Variants in CCDC102A observed in about 807,000 individuals in gnomAD.
The protein encoded by CCDC102A is coiled-coil domain containing 102A.
CCDC102A carries 40 observed loss-of-function variants against 55.5 expected under a neutral mutation model. The observed-to-expected ratio is 0.72, with a 90% CI of 0.56 to 0.94. CCDC102A has a LOEUF of 0.94. Ranked by LOEUF, CCDC102A falls within the 40% of genes least tolerant of loss-of-function variation. The pLI is 0.00. For synonymous variants in CCDC102A, 323 were observed against 339.0 expected (o/e 0.95, Z 0.52); for missense variants, 779 against 768.6 (o/e 1.01, Z -0.16).
chr16:57,528,900 G>A lies in CCDC102A; in HGVS notation c.278C>T (p.Thr93Ile), dbSNP rs1403206018. Reference sequence around the variant, plus strand: ...AGTGCAGTCCGACCACCGGCGCATGGTCTTCTCCATCTGCGCCGCCCGCGC... The same window carrying A: ...AGTGCAGTCCGACCACCGGCGCATGATCTTCTCCATCTGCGCCGCCCGCGC... ...ARARAAQMEK[T>I]MRRWSDCTAN... Residue 93 changes from threonine (T) to isoleucine (I), a missense_variant, in exon 2 of 9, where the codon ACC becomes ATC. Thr to Ile is a moderately conservative substitution (Grantham distance 89). Coordinates refer to ENST00000258214, the MANE Select transcript of CCDC102A (RefSeq NM_033212.4). 1.4e-6 allele frequency: 2 copies of A among 1,407,290 alleles called. No homozygotes were observed. Among genetic ancestry groups the A allele is most frequent in the Non-Finnish European group, 1.9e-6 (2 of 1,073,950 alleles). 87.2% of individuals were successfully genotyped at this position (1,407,290 alleles called of 1,614,324 possible). A position where few individuals can be genotyped will look rare whatever the true frequency, so the allele number is the denominator to read the frequency against.
Position 57,529,084 on chromosome 16 carries a change from T to A in CCDC102A, c.94A>T (p.Met32Leu). The A allele has an allele frequency of 1.7e-6, 2 of 1,168,458 alleles. No individual in the cohort carries two copies. Among genetic ancestry groups the A allele is most frequent in the Middle Eastern group, 3.4e-4 (1 of 2,916 alleles). 72.4% of individuals were successfully genotyped at this position (1,168,458 alleles called of 1,614,324 possible). The part of the protein sequence containing the change: ...TILGSPSPER[M>L]GPADSLPPTP... ...GGCGGCAAGGAGTCGGCAGGCCCCA[T>A]GCGCTCCGGCGACGGGCTGCCCAGG... The change falls in exon 2 of 9, where the codon ATG becomes TTG. Residue 32 changes from methionine to leucine, a missense_variant. Met to Leu is a conservative substitution (Grantham distance 15). Coordinates refer to ENST00000258214, the MANE Select transcript of CCDC102A (RefSeq NM_033212.4). The surrounding 1 kb of genome is among the most constrained non-coding windows in gnomAD (Gnocchi z 4.1).
rs1360194140 is a variant in CCDC102A at position 57,529,216 on chromosome 16, G to T, written c.-39C>A. The T allele has an allele frequency of 1.7e-6, 2 of 1,152,982 alleles. No individual in the cohort carries two copies. Among genetic ancestry groups the T allele is most frequent in the Non-Finnish European group, 2.1e-6 (2 of 936,358 alleles). 71.4% of individuals were successfully genotyped at this position (1,152,982 alleles called of 1,614,324 possible). A position where few individuals can be genotyped will look rare whatever the true frequency, so the allele number is the denominator to read the frequency against. ...GGGCCCTGAGCTCGAACTCGCGGTC[G>T]GGCTCAGGGGCGGCTCCGGGGACGC... On this transcript the variant is annotated 5_prime_UTR_variant, in exon 2 of 9. Coordinates refer to ENST00000258214, the MANE Select transcript of CCDC102A (RefSeq NM_033212.4). The surrounding 1 kb of genome is among the most constrained non-coding windows in gnomAD (Gnocchi z 4.1).
At position 57,516,391 on chromosome 16, in the gene CCDC102A, G is replaced by T; in HGVS notation, c.1321C>A (p.His441Asn). 6.2e-7 allele frequency: 1 copy of T among 1,609,926 alleles called. No homozygotes were observed. ...QFQEKVAELA[H>N]ANRRVEQHEA... Reference sequence around the variant, plus strand: ...TGCTGCTCCACCCGCCGGTTGGCATGTGCCAGCTCTGCCACCTTCTCCTGG... The same window carrying T: ...TGCTGCTCCACCCGCCGGTTGGCATTTGCCAGCTCTGCCACCTTCTCCTGG... The change falls in exon 7 of 9, where the codon CAT becomes AAT. Residue 441 changes from histidine to asparagine, a missense_variant. His to Asn is a moderately conservative substitution (Grantham distance 68). Transcript: ENST00000258214. This position sits in a 1 kb window ranked among gnomAD's most constrained non-coding sequence, Gnocchi z 4.4.
chr16:57,521,675 G>T (rs1567603304), intron 3 of CCDC102A, among the ~76,000 whole-genome samples: 1 of 152,206 alleles, frequency 6.6e-6, no homozygotes, highest in Non-Finnish European at 1.5e-5. Flanking sequence ...CGAAGAGAGG[G>T]TTCTCTCTTG....
chr16:57,531,720 C>G (rs114206112), intron 1 of CCDC102A, among the ~76,000 whole-genome samples: 1 of 152,166 alleles, frequency 6.6e-6, no homozygotes, highest in African/African-American at 2.4e-5. Context: ...CTGCCCACCC[C>G]CATGTCCCTC....
intron 1 of CCDC102A, among the ~76,000 whole-genome samples, chr16:57,530,737 G>A (rs2032241803): frequency 6.6e-6 from 1 of 151,952 alleles, no homozygotes; most frequent in African/African-American, 2.4e-5. Flanking sequence ...TCCTTTCCAG[G>A]GGTCTTACCC....
chr16:57,514,046 A>G (rs2031912121), intron 8 of CCDC102A, among the ~76,000 whole-genome samples: 1 of 152,142 alleles, frequency 6.6e-6, no homozygotes, highest in Admixed American at 6.5e-5. Context: ...GCCCCCTAGG[A>G]AAAAACATCT....
chr16:57,536,286 C>T (rs999611936), intron 1 of CCDC102A, among the ~76,000 whole-genome samples: 2 of 152,156 alleles, frequency 1.3e-5, no homozygotes, highest in South Asian at 2.1e-4. Flanking sequence ...CCCTCCCCAC[C>T]GGAGACCTGG....
intron 6 of CCDC102A, among the ~76,000 whole-genome samples, chr16:57,517,439 C>G (rs774898423): frequency 6.6e-6 from 1 of 152,120 alleles, no homozygotes; most frequent in Non-Finnish European, 1.5e-5. Flanking sequence ...CTCTGCCTCC[C>G]GGTTTCAAGT....
chr16:57,531,374 TGTCA>T (rs1449942465), intron 1 of CCDC102A, among the ~76,000 whole-genome samples: 1 of 151,882 alleles, frequency 6.6e-6, no homozygotes, highest in African/African-American at 2.4e-5. Context: ...CGCCAAACCT[TGTCA>T]GTCTATCTGC....
intron 1 of CCDC102A, among the ~76,000 whole-genome samples, chr16:57,534,165 CCCACCT>C (rs2032328060): frequency 6.6e-6 from 1 of 152,224 alleles, no homozygotes; most frequent in Non-Finnish European, 1.5e-5. Flanking sequence ...CAACCCCACC[CCCACCT>C]GGGGACCACA....
chr16:57,536,697 C>A (rs981586141), upstream of CCDC102A: 1 of 152,248 alleles, frequency 6.6e-6, no homozygotes, highest in South Asian at 2.1e-4. Flanking sequence ...GTGACCCCGG[C>A]CCACCGAGCT....
At chr16:57,517,439 C>T (rs774898423) in intron 6 of CCDC102A, among the ~76,000 whole-genome samples, 4 of 152,120 alleles carry the variant, frequency 2.6e-5, no homozygotes, top group Admixed American at 6.5e-5. Context: ...CTCTGCCTCC[C>T]GGTTTCAAGT....
At chr16:57,526,750 A>T (rs1173828101) in intron 2 of CCDC102A, among the ~76,000 whole-genome samples, 3 of 152,132 alleles carry the variant, frequency 2.0e-5, no homozygotes, top group Non-Finnish European at 4.4e-5. Context: ...TTTCCAGATG[A>T]GTCTGGACCA....
intron 8 of CCDC102A, among the ~76,000 whole-genome samples, chr16:57,513,376 G>T (rs1052601748): frequency 6.6e-6 from 1 of 152,220 alleles, no homozygotes; most frequent in Admixed American, 6.5e-5. Context: ...AGAAGAGCTG[G>T]TGAAGGAAAT....
chr16:57,528,272 C>G lies in CCDC102A; in HGVS notation c.585+321G>C, dbSNP rs77541978. The stretch of plus-strand genomic sequence containing the variant: ...TCCCACCGCTCAGCTCTGATTGAAT[C>G]AATGGATTCGGCTCTGCTACGAATC... On this transcript the variant is annotated intron_variant, in intron 2 of 8. Coordinates refer to ENST00000258214, the MANE Select transcript of CCDC102A (RefSeq NM_033212.4). Among the ~76,000 whole-genome samples the G allele has an allele frequency of 6.9e-3, 1,044 of 152,342 alleles. 27 individuals are homozygous for G. The East Asian group carries it at 0.078, about 11-fold the overall frequency.
Position 57,529,148 on chromosome 16 carries a change from G to T in CCDC102A, c.30C>A (p.Ala10=). MSHGPSPRL[A]ESPQLSKGSL... ...TGCCCTTGGACAGCTGCGGGGACTCGGCCAGCCGGGGGCTGGGCCCGTGGC... is the reference window on the plus strand; with the variant it reads ...TGCCCTTGGACAGCTGCGGGGACTCTGCCAGCCGGGGGCTGGGCCCGTGGC... Residue 10 remains alanine, a synonymous_variant, in exon 2 of 9, where the codon GCC becomes GCA. Transcript: ENST00000258214. This position sits in a 1 kb window ranked among gnomAD's most constrained non-coding sequence, Gnocchi z 4.1. 1 of 1,184,526 alleles carries T rather than the reference G, an allele frequency of 8.4e-7. No homozygotes were observed. The highest frequency in any genetic ancestry group is 4.5e-5 in the Admixed American group (1 of 22,200). The allele number at this position is 1,184,526 out of a possible 1,614,324, so 73.4% of individuals were successfully genotyped here. A position where few individuals can be genotyped will look rare whatever the true frequency, so the allele number is the denominator to read the frequency against.
At chr16:57,536,820 G>A (rs1004062470), upstream of CCDC102A, among the ~76,000 whole-genome samples, 1 of 152,308 alleles carries the variant, frequency 6.6e-6, no homozygotes, top group East Asian at 1.9e-4. Context: ...GTGAGGGGCC[G>A]AGAGTTGCGG....
chr16:57,519,041 C>T (rs950805557), intron 4 of CCDC102A, among the ~76,000 whole-genome samples: 5 of 152,204 alleles, frequency 3.3e-5, no homozygotes, highest in African/African-American at 1.2e-4. Flanking sequence ...ATCATACCAC[C>T]CTCCTCCCAC....
Sources: gnomAD v4.1 joint callset for allele counts (sites outside exome capture counted in the v4.1 genomes callset) on GRCh38, gnomAD v4.1.1 for gene constraint, Gnocchi (gnomAD v3.1) non-coding constraint, MANE v1.5 for transcripts, NCBI Gene and HGNC (gene_info 2026-07-23, HGNC 2026-07-21) for gene names.